TYW1B: variants seen among roughly 807,000 people sequenced by gnomAD.
The protein encoded by TYW1B is S-adenosyl-L-methionine-dependent tRNA 4-demethylwyosine synthase TYW1B.
A neutral mutation model predicts 86.9 loss-of-function variants in TYW1B; 73 were observed. That is an observed-to-expected ratio of 0.84 (90% confidence interval 0.70 to 1.02). The LOEUF is 1.02. Among genes scored for constraint, TYW1B ranks in the 50% least tolerant of loss-of-function variants. The pLI, the probability that TYW1B is intolerant of heterozygous loss-of-function variation, is 0.00. For synonymous variants in TYW1B, 248 were observed against 292.8 expected (o/e 0.85, Z 1.56); for missense variants, 637 against 827.4 (o/e 0.77, Z 2.82).
chr7:72,794,534 T>C, intron 6 of TYW1B, among the ~76,000 whole-genome samples: 1 of 151,376 alleles, frequency 6.6e-6, no homozygotes, highest in Non-Finnish European at 1.5e-5. Context: ...CCAGCCTGGA[T>C]GAGACAGCGA....
intron 11 of TYW1B, among the ~76,000 whole-genome samples, chr7:72,683,792 C>T (rs183756644): frequency 1.0e-3 from 159 of 152,250 alleles, no homozygotes; most frequent in Non-Finnish European, 1.7e-3. Flanking sequence ...TCTGACACGG[C>T]AGGGATGTTG....
At chr7:72,586,965 AAG>A (rs1173976160) in intron 13 of TYW1B, among the ~76,000 whole-genome samples, 2 of 152,150 alleles carry the variant, frequency 1.3e-5, no homozygotes, top group Non-Finnish European at 2.9e-5. Flanking sequence ...AAAAATAAAA[AAG>A]AACACTAATG....
At chr7:72,701,555 C>T (rs2960966) in intron 10 of TYW1B, among the ~76,000 whole-genome samples, 118,457 of 152,100 alleles carry the variant, frequency 0.78, 46,766 homozygotes, top group Middle Eastern at 0.86. Flanking sequence ...TGAGCCACCA[C>T]GCCTGGCTAT....
At chr7:72,603,477 G>C (rs1465263677) in intron 13 of TYW1B, among the ~76,000 whole-genome samples, 4 of 152,142 alleles carry the variant, frequency 2.6e-5, no homozygotes, top group African/African-American at 9.7e-5. Context: ...ACAAGCCTTC[G>C]GTATGGAAGA....
intron 11 of TYW1B, among the ~76,000 whole-genome samples, chr7:72,655,074 G>A (rs567138995): frequency 5.3e-5 from 8 of 152,138 alleles, no homozygotes; most frequent in Admixed American, 2.0e-4. Flanking sequence ...GACTAGAGGC[G>A]CTTGGTACTC....
In TYW1B at chr7:72,652,838, G is replaced by A. The variant is rs567737380; in HGVS notation, c.1507-23841C>T. ...GTAACCTTACTAAAGGGCAAATTCG[G>A]AAATATCTGTTAAACTTTACAACTG... On this transcript the variant is annotated intron_variant, in intron 11 of 13. Coordinates refer to ENST00000620995, the MANE Select transcript of TYW1B (RefSeq NM_001145440.3). Among the ~76,000 whole-genome samples, 245 of 152,314 alleles carry A rather than the reference G, an allele frequency of 1.6e-3. 1 individual carries two copies. The highest frequency in any genetic ancestry group is 5.6e-3 in the African/African-American group (231 of 41,570).
chr7:72,821,631 C>A (rs1788828956), intron 2 of TYW1B, among the ~76,000 whole-genome samples: 1 of 152,140 alleles, frequency 6.6e-6, no homozygotes, highest in South Asian at 2.1e-4. Flanking sequence ...TGGCATGGAC[C>A]AGGGGAGTAG....
In TYW1B at chr7:72,693,600, GC is replaced by G. The variant is rs34893565; in HGVS notation, c.1506+1086del. 5.3e-5 allele frequency among the ~76,000 whole-genome samples: 8 copies of G among 151,800 alleles called. No homozygotes were observed. The East Asian group carries it at 5.8e-4, about 11-fold the overall frequency. On this transcript the variant is annotated intron_variant, in intron 11 of 13. Coordinates refer to ENST00000620995, the MANE Select transcript of TYW1B (RefSeq NM_001145440.3). ...GGTAGAGACGGGGTTTTGCCATGTT[GC>G]CCAGGCTGGTCTTGAACTCCTGACC...
Position 72,575,238 on chromosome 7 carries a change from G to T in TYW1B, c.*260C>A. ...TCAGTTAAATTCTAATCACGACTGT[G>T]TAGTTCCTCCCCAAAATAATTTTCC... On this transcript the variant is annotated 3_prime_UTR_variant, in exon 14 of 14. Coordinates refer to ENST00000620995, the MANE Select transcript of TYW1B (RefSeq NM_001145440.3). The T allele has an allele frequency of 7.6e-7, 1 of 1,320,146 alleles. No individual in the cohort carries two copies. The highest frequency in any genetic ancestry group is 3.3e-5 in the Admixed American group (1 of 30,080). 81.8% of individuals were successfully genotyped at this position (1,320,146 alleles called of 1,614,324 possible).
chr7:72,707,033 T>C (rs1295735975), intron 10 of TYW1B, among the ~76,000 whole-genome samples: 1 of 152,250 alleles, frequency 6.6e-6, no homozygotes, highest in Non-Finnish European at 1.5e-5. Flanking sequence ...TTCAAGGTTA[T>C]ACTCCTTGAC....
At chr7:72,773,999 A>T (rs1332917243) in intron 7 of TYW1B, among the ~76,000 whole-genome samples, 1 of 144,082 alleles carries the variant, frequency 6.9e-6, no homozygotes, top group Non-Finnish European at 1.5e-5. Context: ...CAGGAGGAGG[A>T]GGTGGTGAGC....
At chr7:72,727,955 C>G (rs1185632074) in intron 9 of TYW1B, among the ~76,000 whole-genome samples, 3 of 152,034 alleles carry the variant, frequency 2.0e-5, no homozygotes, top group Non-Finnish European at 4.4e-5. Context: ...TTTGAGAACC[C>G]GTAACCTCCA....
intron 13 of TYW1B, among the ~76,000 whole-genome samples, chr7:72,592,441 GCA>G (rs1811419435): frequency 6.6e-6 from 1 of 152,160 alleles, no homozygotes; most frequent in Non-Finnish European, 1.5e-5. Context: ...ATGTTTCACT[GCA>G]AAGAATCAAC....
intron 3 of TYW1B, among the ~76,000 whole-genome samples, chr7:72,815,083 A>AG (rs1788696273): frequency 7.1e-6 from 1 of 140,274 alleles, no homozygotes; most frequent in African/African-American, 2.6e-5. Context: ...AAAAAAAAAA[A>AG]AAAAAAAGAA....
chr7:72,800,251 G>A (rs1338034100), intron 6 of TYW1B, among the ~76,000 whole-genome samples: 6 of 151,126 alleles, frequency 4.0e-5, no homozygotes, highest in African/African-American at 1.5e-4. Flanking sequence ...AGGCCGGGGT[G>A]CCGTGACATG....
At chr7:72,642,610 C>A (rs1384139519) in intron 11 of TYW1B, among the ~76,000 whole-genome samples, 2 of 152,146 alleles carry the variant, frequency 1.3e-5, no homozygotes, top group African/African-American at 4.8e-5. Context: ...AGCAAAAAAG[C>A]TGAAGTTCTA....
chr7:72,746,553 C>G (rs1787398815), intron 7 of TYW1B, among the ~76,000 whole-genome samples: 1 of 152,178 alleles, frequency 6.6e-6, no homozygotes, highest in Admixed American at 6.6e-5. Flanking sequence ...AGGTTGAAGT[C>G]CTAAACCTCA....
At chr7:72,772,680 G>A (rs564827019) in intron 7 of TYW1B, among the ~76,000 whole-genome samples, 1 of 152,098 alleles carries the variant, frequency 6.6e-6, no homozygotes, top group African/African-American at 2.4e-5. Context: ...ATTTCAGAAA[G>A]CATTCAATAC....
intron 13 of TYW1B, among the ~76,000 whole-genome samples, chr7:72,593,490 C>T (rs1192063065): frequency 4.6e-5 from 7 of 151,838 alleles, no homozygotes; most frequent in Non-Finnish European, 1.0e-4. Context: ...AGATATCATA[C>T]AAAGCATATT....
Sources: allele counts gnomAD v4.1 joint callset (sites outside exome capture counted in the v4.1 genomes callset), GRCh38; gene constraint gnomAD v4.1.1; transcripts MANE v1.5; gene names NCBI Gene and HGNC (gene_info 2026-07-23, HGNC 2026-07-21).